The following LDB2 variants were observed in gnomAD, a reference collection of about 807,000 sequenced individuals.
The protein encoded by LDB2 is LIM domain binding 2.
In LDB2, 12 loss-of-function variants were observed where a neutral mutation model predicts 44.3. That is an observed-to-expected ratio of 0.27 (90% confidence interval 0.17 to 0.44). The LOEUF is 0.44. Ranked by LOEUF, LDB2 falls within the 20% of genes least tolerant of loss-of-function variation. The pLI, the probability that LDB2 is intolerant of heterozygous loss-of-function variation, is 1.00. For synonymous variants in LDB2, 164 were observed against 174.8 expected (o/e 0.94, Z 0.49); for missense variants, 344 against 473.5 (o/e 0.73, Z 2.54).
At chr4:16,763,224 TG>T (rs1768354476) in intron 1 of LDB2, among the ~76,000 whole-genome samples, 1 of 152,154 alleles carries the variant, frequency 6.6e-6, no homozygotes, top group Non-Finnish European at 1.5e-5. Context: ...ATAATATTTT[TG>T]TTTGGCTGAT....
intron 1 of LDB2, among the ~76,000 whole-genome samples, chr4:16,832,248 A>G (rs545265385): frequency 2.6e-5 from 4 of 152,312 alleles, no homozygotes; most frequent in Admixed American, 2.0e-4. Context: ...AGGTGTTGGT[A>G]TTATCATCAT....
At chr4:16,671,847 A>C (rs1392171093) in intron 2 of LDB2, among the ~76,000 whole-genome samples, 1 of 151,844 alleles carries the variant, frequency 6.6e-6, no homozygotes, top group Non-Finnish European at 1.5e-5. Flanking sequence ...TACACTGTCC[A>C]GGCAAAAGAA....
chr4:16,519,426 CT>C (rs1560343044), intron 5 of LDB2, among the ~76,000 whole-genome samples: 1 of 151,984 alleles, frequency 6.6e-6, no homozygotes. Context: ...GACTTCAACC[CT>C]GTACTATTAA....
chr4:16,550,327 G>C (rs762733751), intron 5 of LDB2, among the ~76,000 whole-genome samples: 13 of 152,172 alleles, frequency 8.5e-5, no homozygotes, highest in Middle Eastern at 3.4e-3. Flanking sequence ...CATCTTATCT[G>C]TTTTGCATGT....
intron 6 of LDB2, among the ~76,000 whole-genome samples, chr4:16,510,509 G>A (rs961814748): frequency 3.9e-5 from 6 of 152,100 alleles, no homozygotes; most frequent in Non-Finnish European, 7.4e-5. Context: ...TATAAATTTG[G>A]TGCTCTTTTT....
intron 1 of LDB2, among the ~76,000 whole-genome samples, chr4:16,866,933 G>A (rs535680339): frequency 1.3e-5 from 2 of 151,428 alleles, no homozygotes; most frequent in African/African-American, 4.9e-5. Context: ...CATATCAATG[G>A]GTATAGGAGG....
chr4:16,684,859 G>A (rs1014562073), intron 2 of LDB2, among the ~76,000 whole-genome samples: 2 of 152,270 alleles, frequency 1.3e-5, no homozygotes, highest in South Asian at 2.1e-4. Flanking sequence ...AATGTTTTAG[G>A]TTTTATGAGC....
At chr4:16,883,599 G>C (rs1720817742) in intron 1 of LDB2, among the ~76,000 whole-genome samples, 1 of 152,180 alleles carries the variant, frequency 6.6e-6, no homozygotes, top group Non-Finnish European at 1.5e-5. Context: ...GAGTGTCAGA[G>C]ACTCATGTCC....
At chr4:16,791,674 C>T (rs1284506775) in intron 1 of LDB2, among the ~76,000 whole-genome samples, 3 of 151,192 alleles carry the variant, frequency 2.0e-5, no homozygotes, top group South Asian at 2.1e-4. Context: ...CAGATCAGAA[C>T]CAATTTAATT....
intron 5 of LDB2, among the ~76,000 whole-genome samples, chr4:16,574,824 A>C (rs1577892335): frequency 1.3e-5 from 2 of 152,166 alleles, no homozygotes; most frequent in African/African-American, 4.8e-5. Flanking sequence ...GAGACATATT[A>C]TTCTTTCCAA....
chr4:16,852,939 T>G (rs907544453), intron 1 of LDB2, among the ~76,000 whole-genome samples: 1 of 152,110 alleles, frequency 6.6e-6, no homozygotes, highest in Non-Finnish European at 1.5e-5. Flanking sequence ...TCACTTTAAG[T>G]TTAGAAAAAT....
At chr4:16,556,782 G>A (rs563438578) in intron 5 of LDB2, among the ~76,000 whole-genome samples, 14 of 152,250 alleles carry the variant, frequency 9.2e-5, no homozygotes, top group South Asian at 2.1e-4. Context: ...AGTCAGTCTC[G>A]TTACCAGTTT....
chr4:16,509,226 CAAGTA>C (rs1720765913), intron 6 of LDB2, among the ~76,000 whole-genome samples: 1 of 152,154 alleles, frequency 6.6e-6, no homozygotes, highest in South Asian at 2.1e-4. Context: ...ATAGAATTCT[CAAGTA>C]AAGTCAGTTC....
intron 2 of LDB2, among the ~76,000 whole-genome samples, chr4:16,702,758 G>A (rs946451563): frequency 6.6e-6 from 1 of 152,148 alleles, no homozygotes; most frequent in African/African-American, 2.4e-5. Context: ...AGCCCAAGCA[G>A]GAAGACTGCC....
chr4:16,737,058 T>A (rs1049614079), intron 2 of LDB2, among the ~76,000 whole-genome samples: 1 of 152,324 alleles, frequency 6.6e-6, no homozygotes, highest in South Asian at 2.1e-4. Context: ...AGTTAAAATG[T>A]ATTTTTTTTG....
At chr4:16,708,764 C>A (rs1196924475) in intron 2 of LDB2, among the ~76,000 whole-genome samples, 1 of 151,950 alleles carries the variant, frequency 6.6e-6, no homozygotes, top group African/African-American at 2.4e-5. Context: ...AGAACAGAAG[C>A]CTCTCTTCTC....
chr4:16,733,353 GAAA>G (rs75067360), intron 2 of LDB2, among the ~76,000 whole-genome samples: 34,574 of 145,824 alleles, frequency 0.24, 4,634 homozygotes, highest in Non-Finnish European at 0.32. Context: ...TAAGAATTTG[GAAA>G]AAAAAAAAAA....
chr4:16,777,992 C>T (rs1772324795), intron 1 of LDB2, among the ~76,000 whole-genome samples: 1 of 152,190 alleles, frequency 6.6e-6, no homozygotes, highest in Non-Finnish European at 1.5e-5. Flanking sequence ...CCATCCCTCT[C>T]CACCTCAGGA....
intron 2 of LDB2, among the ~76,000 whole-genome samples, chr4:16,693,618 T>C (rs970215743): frequency 1.5e-4 from 23 of 152,270 alleles, no homozygotes; most frequent in Non-Finnish European, 2.4e-4. Context: ...TATTCTTTTC[T>C]TGCTGAATCT....
Sources: allele counts gnomAD v4.1 joint callset (sites outside exome capture counted in the v4.1 genomes callset), GRCh38; gene constraint gnomAD v4.1.1; transcripts MANE v1.5; gene names NCBI Gene and HGNC (gene_info 2026-07-23, HGNC 2026-07-21).